Variants in ERC2 observed in about 807,000 individuals in gnomAD.
ERC2 encodes the protein ELKS/RAB6-interacting/CAST family member 2, also known as ERC protein 2.
A neutral mutation model predicts 114.8 loss-of-function variants in ERC2; 42 were observed. The observed-to-expected ratio is 0.37, with a 90% CI of 0.29 to 0.47. The LOEUF (loss-of-function observed/expected upper bound fraction) is 0.47. ERC2 is among the 20% of genes least tolerant of loss of function. ERC2 has a pLI of 0.99. For synonymous variants in ERC2, 454 were observed against 425.5 expected (o/e 1.07, Z -0.82); for missense variants, 939 against 1,150.7 (o/e 0.82, Z 2.66).
intron 3 of ERC2, among the ~76,000 whole-genome samples, chr3:56,269,230 A>C (rs927746250): frequency 6.6e-6 from 1 of 152,224 alleles, no homozygotes; most frequent in Non-Finnish European, 1.5e-5. Context: ...AGTAAAGTCA[A>C]GTTACTATTC....
chr3:56,285,189 T>C (rs771363447), intron 3 of ERC2, among the ~76,000 whole-genome samples: 3 of 149,754 alleles, frequency 2.0e-5, no homozygotes, highest in Non-Finnish European at 3.0e-5. Context: ...ATCTGGGCTG[T>C]CCTTCCTCAA....
chr3:55,717,973 T>A (rs2064222463), intron 15 of ERC2, among the ~76,000 whole-genome samples: 1 of 152,130 alleles, frequency 6.6e-6, no homozygotes, highest in African/African-American at 2.4e-5. Context: ...GGGACTAATG[T>A]TTTTCAACAA....
At chr3:55,794,487 T>C (rs1350544520) in intron 14 of ERC2, among the ~76,000 whole-genome samples, 1 of 152,216 alleles carries the variant, frequency 6.6e-6, no homozygotes, top group Admixed American at 6.5e-5. Flanking sequence ...ATGTGAAGAC[T>C]TGGTTTTAAT....
intron 17 of ERC2, among the ~76,000 whole-genome samples, chr3:55,629,361 A>G (rs1288050373): frequency 6.6e-6 from 1 of 152,266 alleles, no homozygotes; most frequent in Non-Finnish European, 1.5e-5. Context: ...CAAAAGGCTT[A>G]TCCCAAAAGG....
intron 14 of ERC2, among the ~76,000 whole-genome samples, chr3:55,879,815 A>G (rs746463084): frequency 1.3e-5 from 2 of 152,162 alleles, no homozygotes; most frequent in African/African-American, 2.4e-5. Flanking sequence ...GCTAAAGGCT[A>G]TATTTCCCTG....
rs185855613 is a variant in ERC2, at chr3:55,722,512, T to G, written c.2712+12259A>C. ...TCCCCAAATCCCTCATAGAGCATCA[T>G]CTTTGGTTTTTCCCATAGTATTTAT... On this transcript the variant is annotated intron_variant, in intron 15 of 17. Coordinates refer to ENST00000288221, the MANE Select transcript of ERC2 (RefSeq NM_015576.3). Among the ~76,000 whole-genome samples the G allele has an allele frequency of 1.1e-3, 174 of 152,290 alleles. 2 individuals carry two copies. The highest frequency in any genetic ancestry group is 1.9e-4 in the Non-Finnish European group (13 of 68,038).
chr3:56,163,457 C>T (rs2082161520), intron 4 of ERC2, among the ~76,000 whole-genome samples: 1 of 152,072 alleles, frequency 6.6e-6, no homozygotes, highest in Non-Finnish European at 1.5e-5. Flanking sequence ...CTAATGCTCA[C>T]AGTGGGGTTT....
intron 14 of ERC2, among the ~76,000 whole-genome samples, chr3:55,769,611 T>G (rs1201930542): frequency 6.6e-6 from 1 of 152,132 alleles, no homozygotes; most frequent in Non-Finnish European, 1.5e-5. Flanking sequence ...ATTAGAAATT[T>G]CTATCTTTTC....
intron 10 of ERC2, among the ~76,000 whole-genome samples, chr3:55,997,927 TTG>T (rs2071710033): frequency 1.6e-4 from 11 of 68,530 alleles, no homozygotes; most frequent in South Asian, 6.0e-4. Flanking sequence ...TGTGTGTTTT[TTG>T]TTTTTTTTTT....
At chr3:56,111,335 ATCTCTCTCCCTCAATC>A (rs1215666925) in intron 6 of ERC2, among the ~76,000 whole-genome samples, 7 of 113,748 alleles carry the variant, frequency 6.2e-5, no homozygotes, top group South Asian at 2.9e-4. Context: ...CTCTCTCTCA[ATCTCTCTCCCTCAATC>A]TCTCTCTCCC....
chr3:55,808,786 G>C (rs558204459), intron 14 of ERC2, among the ~76,000 whole-genome samples: 1 of 140,378 alleles, frequency 7.1e-6, no homozygotes, highest in African/African-American at 2.7e-5. Flanking sequence ...AATTGTGAGA[G>C]AATATGACTC....
intron 2 of ERC2, among the ~76,000 whole-genome samples, chr3:56,356,917 C>T (rs752924563): frequency 1.3e-5 from 2 of 152,224 alleles, no homozygotes; most frequent in Non-Finnish European, 2.9e-5. Flanking sequence ...GGAAAAGCAT[C>T]TTGCCCAGAT....
intron 12 of ERC2, among the ~76,000 whole-genome samples, chr3:55,961,644 C>T (rs1265392526): frequency 1.3e-5 from 2 of 152,052 alleles, no homozygotes; most frequent in Non-Finnish European, 2.9e-5. Context: ...TGGAACTGAC[C>T]CTCACTTTGG....
intron 16 of ERC2, among the ~76,000 whole-genome samples, chr3:55,693,064 G>C (rs2062745392): frequency 6.6e-6 from 1 of 152,196 alleles, no homozygotes; most frequent in South Asian, 2.1e-4. Flanking sequence ...CTTTGGCTGA[G>C]AGCCAACACA....
At chr3:55,901,180 T>C (rs1444455416) in intron 13 of ERC2, among the ~76,000 whole-genome samples, 1 of 152,218 alleles carries the variant, frequency 6.6e-6, no homozygotes, top group African/African-American at 2.4e-5. Context: ...TGGAGTAGAA[T>C]AGTCATTATC....
At chr3:55,910,590 A>G (rs757304198) in intron 13 of ERC2, among the ~76,000 whole-genome samples, 2 of 152,218 alleles carry the variant, frequency 1.3e-5, no homozygotes, top group Non-Finnish European at 2.9e-5. Flanking sequence ...ATTAACTAAT[A>G]AGTATTAATA....
At chr3:55,940,545 A>G (rs990342333) in intron 13 of ERC2, among the ~76,000 whole-genome samples, 11 of 152,158 alleles carry the variant, frequency 7.2e-5, no homozygotes, top group African/African-American at 2.7e-4. Flanking sequence ...CCAGTAATGC[A>G]TGTTCTGGTT....
intron 4 of ERC2, among the ~76,000 whole-genome samples, chr3:56,157,706 A>T (rs992680979): frequency 6.6e-6 from 1 of 151,912 alleles, no homozygotes; most frequent in Non-Finnish European, 1.5e-5. Flanking sequence ...TCTCCGAAAC[A>T]TACCACAGAT....
Position 55,519,256 on chromosome 3 carries a change from A to T in ERC2, c.*40-7980T>A, listed in dbSNP as rs150440028. 1.6e-3 allele frequency among the ~76,000 whole-genome samples: 242 copies of T among 152,344 alleles called. 1 individual carries two copies. Among genetic ancestry groups the T allele is most frequent in the African/African-American group, 5.7e-3 (236 of 41,582 alleles). On this transcript the variant is annotated intron_variant, in intron 17 of 17. Coordinates refer to ENST00000288221, the MANE Select transcript of ERC2 (RefSeq NM_015576.3). ...CCCTGTCCTGCCCTAAACTGTTCAC[A>T]CAAAGGAATTATTGCTGAGTAATAG...
Sources: allele counts gnomAD v4.1 joint callset (sites outside exome capture counted in the v4.1 genomes callset), GRCh38; gene constraint gnomAD v4.1.1; transcripts MANE v1.5; gene names NCBI Gene and HGNC (gene_info 2026-07-23, HGNC 2026-07-21).